The following ZNF397 variants were observed in gnomAD, a reference collection of about 807,000 sequenced individuals.
ZNF397 encodes zinc finger and SCAN domain-containing protein 15.
A neutral mutation model predicts 50.6 loss-of-function variants in ZNF397; 38 were observed. The observed-to-expected ratio is 0.75, with a 90% CI of 0.58 to 0.98. The LOEUF (loss-of-function observed/expected upper bound fraction) is 0.98. Ranked by LOEUF, ZNF397 falls within the 50% of genes least tolerant of loss-of-function variation. The probability of loss-of-function intolerance (pLI) is 0.00; values close to 1 mark genes in which losing one functional copy is unlikely to be tolerated. For synonymous variants in ZNF397, 228 were observed against 215.2 expected (o/e 1.06, Z -0.52); for missense variants, 624 against 624.1 (o/e 1.00, Z 0.00).
downstream of ZNF397, chr18:35,250,934 T>G (rs2043570928): frequency 6.6e-6 from 1 of 152,170 alleles, no homozygotes; most frequent in Non-Finnish European, 1.5e-5. Flanking sequence ...ACTTTTTGGC[T>G]CAGAAAATAG....
Position 35,242,575 on chromosome 18 carries a change from A to G in ZNF397, c.105A>G (p.Lys35=). The G allele has an allele frequency of 6.2e-7, 1 of 1,614,224 alleles. No individual in the cohort carries two copies. Among genetic ancestry groups the G allele is most frequent in the Non-Finnish European group, 8.5e-7 (1 of 1,180,044 alleles). Residue 35 remains lysine (K), a synonymous_variant, in exon 2 of 4, where the codon AAA becomes AAG. Coordinates refer to ENST00000330501, the MANE Select transcript of ZNF397 (RefSeq NM_001135178.3). ...AAGATAACTTTTCCTGGGATGAGAA[A>G]TTTAAGCAGAATGGGAGTACTCAAT... ...KVEDNFSWDE[K]FKQNGSTQSC... is the part of the protein sequence containing the mutation.
Position 35,245,548 on chromosome 18 carries a change from A to G in ZNF397, c.843A>G (p.Glu281=), listed in dbSNP as rs1174160937. The change falls in exon 4 of 4, where the codon GAA becomes GAG. Residue 281 remains glutamate, a synonymous_variant. Coordinates refer to ENST00000330501, the MANE Select transcript of ZNF397 (RefSeq NM_001135178.3). ...TAATGTGTCAGAAAGTTCCTCCAGA[A>G]GAGAGACCTTATAGATGTGATGTAT... ...DSIMCQKVPP[E]ERPYRCDVCG... 6.4e-7 allele frequency: 1 copy of G among 1,552,392 alleles called. No individual in the cohort carries two copies. Among genetic ancestry groups the G allele is most frequent in the African/African-American group, 1.4e-5 (1 of 73,068 alleles).
intron 2 of ZNF397, 107 bp downstream of exon 2, chr18:35,242,991 C>G (rs758564594): frequency 6.7e-7 from 1 of 1,483,050 alleles, no homozygotes; most frequent in Non-Finnish European, 9.0e-7. Context: ...GAACCCTAAC[C>G]TGAAGTGACT....
downstream of ZNF397, chr18:35,253,598 C>T (rs2043672157): frequency 1.2e-6 from 2 of 1,614,102 alleles, no homozygotes; most frequent in South Asian, 1.1e-5. Flanking sequence ...GGATTTTCCA[C>T]ATTCATTACA....
In ZNF397 at chr18:35,242,319, C is replaced by T. The variant is rs765372991; in HGVS notation, c.-80-72C>T. 9.1e-6 allele frequency: 6 copies of T among 662,192 alleles called. No homozygotes were observed. In the African/African-American group the frequency reaches 1.1e-4, roughly 12 times the overall value. The allele number at this position is 662,192 out of a possible 1,614,324, so 41.0% of individuals were successfully genotyped here. ...CCCTTTCAATATATTACTAAAGTTA[C>T]TCATCTTTCTTATTACAAGTACTTA... On this transcript the variant is annotated intron_variant, in intron 1 of 3. Coordinates refer to ENST00000330501, the MANE Select transcript of ZNF397 (RefSeq NM_001135178.3).
In ZNF397 at chr18:35,241,055, G is replaced by C. The variant is rs1380037944; in HGVS notation, c.-135G>C. ...CTGCGTACGCGCACTTCCGGTCTTT[G>C]TGGCTTGCAGCTCGGGGTGGGTGGC... On this transcript the variant is annotated 5_prime_UTR_variant, in exon 1 of 4. Coordinates refer to ENST00000330501, the MANE Select transcript of ZNF397 (RefSeq NM_001135178.3). 6.6e-6 allele frequency: 1 copy of C among 152,412 alleles called. No individual in the cohort carries two copies. Among genetic ancestry groups the C allele is most frequent in the Admixed American group, 6.5e-5 (1 of 15,294 alleles). The allele number at this position is 152,412 out of a possible 1,614,324, so 9.4% of individuals were successfully genotyped here.
rs1912661283 is a variant in ZNF397 at position 35,243,306 on chromosome 18, A to G, written c.556+13A>G. 6.2e-7 allele frequency: 1 copy of G among 1,614,204 alleles called. No homozygotes were observed. On this transcript the variant is annotated intron_variant, in intron 3 of 3. Coordinates refer to ENST00000330501, the MANE Select transcript of ZNF397 (RefSeq NM_001135178.3). ...TCCCCTAAAAGTGGTGAGGAATGGG[A>G]AATCATCTGGAAACTCTTGACACTT...
chr18:35,253,624 T>A, downstream of ZNF397: 1 of 1,614,066 alleles, frequency 6.2e-7, no homozygotes, highest in Non-Finnish European at 8.5e-7. Context: ...AAGGTTTCTC[T>A]CCAGTGTGAA....
chr18:35,254,864 G>T (rs927341294), intron 5 of ZNF397: 1 of 166,458 alleles, frequency 6.0e-6, no homozygotes, highest in African/African-American at 2.4e-5. Context: ...CTGAACAGAG[G>T]TAGCTGGGCA....
downstream of ZNF397, chr18:35,252,419 C>T (rs181341738): frequency 3.0e-3 from 461 of 152,284 alleles, 3 homozygotes; most frequent in Non-Finnish European, 3.7e-3. Context: ...CCATTCCCTG[C>T]CCACACCCCT....
At chr18:35,253,943 C>T (rs1202333643), downstream of ZNF397, 3 of 1,614,062 alleles carry the variant, frequency 1.9e-6, no homozygotes, top group African/African-American at 2.7e-5. Context: ...ACATTCTTTA[C>T]ATGCATAAGG....
chr18:35,252,669 AT>A (rs1165506208), downstream of ZNF397: 1 of 152,124 alleles, frequency 6.6e-6, no homozygotes, highest in Non-Finnish European at 1.5e-5. Context: ...CATAGACCAG[AT>A]TTAGGTATCC....
downstream of ZNF397, chr18:35,258,544 G>A (rs974446899): frequency 6.5e-6 from 1 of 154,618 alleles, no homozygotes; most frequent in African/African-American, 2.4e-5. Flanking sequence ...ACAGAACACA[G>A]ATGGGATCAG....
At position 35,243,266 on chromosome 18, in the gene ZNF397, T is replaced by C. The variant is rs1172769077; in HGVS notation, c.529T>C (p.Trp177Arg). Residue 177 changes from tryptophan (W) to arginine (R), a missense_variant, in exon 3 of 4, where the codon TGG (tryptophan) becomes CGG (arginine). By Grantham distance (101) the Trp-to-Arg change is moderately radical. Transcript: ENST00000330501. ...GCCCTTAAAGACACAGCTGAAATCC[T>C]GGAAACCATGCCTTTCCCCTAAAAG... is the stretch of plus-strand genomic sequence containing the variant. Reference protein sequence around the residue: ...LQPLKTQLKSWKPCLSPKSDC... With the variant: ...LQPLKTQLKSRKPCLSPKSDC... 46 of 1,614,228 alleles carry C rather than the reference T, an allele frequency of 2.8e-5. No individual in the cohort carries two copies. The highest frequency in any genetic ancestry group is 3.9e-5 in the Non-Finnish European group (46 of 1,180,046).
intron 3 of ZNF397, among the ~76,000 whole-genome samples, chr18:35,245,049 T>C (rs2043449526): frequency 6.6e-6 from 1 of 152,152 alleles, no homozygotes; most frequent in Non-Finnish European, 1.5e-5. Context: ...TATCAGTTGA[T>C]GTCTCAAAAG....
intron 1 of ZNF397, among the ~76,000 whole-genome samples, 168 bp from the exon 2 acceptor site, chr18:35,242,223 C>G (rs1382263525): frequency 1.3e-5 from 2 of 152,198 alleles, no homozygotes; most frequent in African/African-American, 4.8e-5. Flanking sequence ...ATGGGAGACA[C>G]TAATTGAGGT....
At chr18:35,258,077 C>A (rs2043901595) in exon 6 of ZNF397, 2 of 754,556 alleles carry the variant, frequency 2.7e-6, no homozygotes, top group Non-Finnish European at 4.9e-6. Flanking sequence ...GTGACTCTTA[C>A]AATCATATCA....
chr18:35,243,501 C>T (rs1019122945), intron 3 of ZNF397: 1 of 674,012 alleles, frequency 1.5e-6, no homozygotes, highest in African/African-American at 1.8e-5. Flanking sequence ...TTCATTCATT[C>T]ATTTCATTAT....
Position 35,242,888 on chromosome 18 carries a change from G to A in ZNF397, c.414+4G>A, listed in dbSNP as rs376050721. 17 of 1,594,414 alleles carry A rather than the reference G, an allele frequency of 1.1e-5. No individual in the cohort carries two copies. The highest frequency in any genetic ancestry group is 2.2e-5 in the East Asian group (1 of 44,650). On this transcript the variant is annotated splice_donor_region_variant and intron_variant, in intron 2 of 3. Coordinates refer to ENST00000330501, the MANE Select transcript of ZNF397 (RefSeq NM_001135178.3). ...GTTTGATGACCCAGGGCAGCAGGTGGGAACGGAGAAAAGTGATGTGGGAAA... is the reference window on the plus strand; with the variant it reads ...GTTTGATGACCCAGGGCAGCAGGTGAGAACGGAGAAAAGTGATGTGGGAAA...
Sources: allele counts gnomAD v4.1 joint callset (sites outside exome capture counted in the v4.1 genomes callset), GRCh38; gene constraint gnomAD v4.1.1; transcripts MANE v1.5; gene names NCBI Gene and HGNC (gene_info 2026-07-23, HGNC 2026-07-21).